Variants in ACSL6 observed in about 807,000 individuals in gnomAD.
ACSL6 encodes the protein acyl-CoA synthetase long chain family member 6, also known as long-chain-fatty-acid--CoA ligase 6.
Under a neutral mutation model 98.2 loss-of-function variants are expected in ACSL6, and 47 were observed. That is an observed-to-expected ratio of 0.48 (90% CI 0.38 to 0.61). The LOEUF is 0.61. ACSL6 is among the 20% of genes least tolerant of loss of function. The pLI is 0.00. For synonymous variants in ACSL6, 362 were observed against 336.9 expected (o/e 1.07, Z -0.82); for missense variants, 761 against 913.4 (o/e 0.83, Z 2.15).
Position 131,988,914 on chromosome 5 carries a change from C to T in ACSL6, c.553-10G>A. On this transcript the variant is annotated splice_polypyrimidine_tract_variant and intron_variant, in intron 5 of 20. Transcript: ENST00000651883. ...GCTCCACAATGATCCACTGTGGAGA[C>T]ACATGAGGCGGGGGTGGGGAAGAAG... is the stretch of plus-strand genomic sequence containing the variant. 6.2e-7 allele frequency: 1 copy of T among 1,601,384 alleles called. No individual in the cohort carries two copies.
Position 131,951,608 on chromosome 5 carries a change from C to T in ACSL6, c.*2626G>A, listed in dbSNP as rs145353013. The T allele has an allele frequency of 1.3e-4, 23 of 176,972 alleles. No individual in the cohort carries two copies. The East Asian group carries it at 2.2e-3, about 17-fold the overall frequency. 11.0% of individuals were successfully genotyped at this position (176,972 alleles called of 1,614,324 possible). A position where few individuals can be genotyped will look rare whatever the true frequency, so the allele number is the denominator to read the frequency against. On this transcript the variant is annotated 3_prime_UTR_variant, in exon 21 of 21. Transcript: ENST00000651883. ...TTTTTTTTTTTCTTTCTTTTTGAGA[C>T]GGAGTCTCGTTCTGTTGCCCAGGCT...
intron 2 of ACSL6, chr5:131,993,811 G>A (rs771950063): frequency 1.8e-6 from 1 of 568,238 alleles, no homozygotes. Flanking sequence ...GCAAGGCCCA[G>A]GTCAGGCTCT....
chr5:132,011,905 C>T (rs771034088), upstream of ACSL6: 2 of 1,556,122 alleles, frequency 1.3e-6, no homozygotes, highest in South Asian at 1.2e-5. The surrounding 1 kb of genome is among the most constrained non-coding windows in gnomAD (Gnocchi z 5.4). Context: ...CGCTCTCCAA[C>T]GTCAGTACCT....
intron 1 of ACSL6, among the ~76,000 whole-genome samples, chr5:131,998,144 A>G (rs547398316): frequency 2.6e-4 from 40 of 152,110 alleles, no homozygotes; most frequent in Non-Finnish European, 5.3e-4. Context: ...TCCATACCCC[A>G]AGAGACTCTC....
At chr5:132,007,610 A>G (rs1490789635) in intron 1 of ACSL6, among the ~76,000 whole-genome samples, 1 of 152,208 alleles carries the variant, frequency 6.6e-6, no homozygotes, top group Non-Finnish European at 1.5e-5. Flanking sequence ...GGAGAACACA[A>G]CACAGTGTTG....
Position 131,989,524 on chromosome 5 carries a change from G to T in ACSL6, c.451-16C>A. On this transcript the variant is annotated splice_polypyrimidine_tract_variant and intron_variant, in intron 4 of 20. Transcript: ENST00000651883. ...TGTCGGCCACCTGCACACAGATGTG[G>T]GGAAGTGATGGGAAAACAAGGACTC... The T allele has an allele frequency of 1.3e-6, 2 of 1,593,740 alleles. No homozygotes were observed. The highest frequency in any genetic ancestry group is 8.6e-7 in the Non-Finnish European group (1 of 1,164,222).
At chr5:131,963,527 GTA>G (rs1299379212) in intron 17 of ACSL6, among the ~76,000 whole-genome samples, 1 of 152,196 alleles carries the variant, frequency 6.6e-6, no homozygotes, top group African/African-American at 2.4e-5. Flanking sequence ...CTCAGAGGAT[GTA>G]ACATGCTCCT....
intron 1 of ACSL6, chr5:132,003,798 G>A (rs567070920): frequency 1.6e-4 from 24 of 152,366 alleles, no homozygotes; most frequent in African/African-American, 5.1e-4. Context: ...GGTGGCTGCT[G>A]AGGAAAGCAC....
At chr5:131,975,908 C>A (rs761298669) in intron 10 of ACSL6, 6 of 985,494 alleles carry the variant, frequency 6.1e-6, no homozygotes, top group Non-Finnish European at 7.2e-6. Context: ...CTGTCTCTCA[C>A]AGTTTTCTGC....
At chr5:131,958,956 G>A (rs141341975) in intron 20 of ACSL6, among the ~76,000 whole-genome samples, 24 of 151,918 alleles carry the variant, frequency 1.6e-4, no homozygotes, top group African/African-American at 5.1e-4. Flanking sequence ...TTGACAAAAG[G>A]GGATGTATAA....
Position 131,954,111 on chromosome 5 carries a change from A to G in ACSL6, c.*123T>C. The G allele has an allele frequency of 1.0e-6, 1 of 993,816 alleles. No individual in the cohort carries two copies. The highest frequency in any genetic ancestry group is 1.4e-6 in the Non-Finnish European group (1 of 731,854). The allele number at this position is 993,816 out of a possible 1,614,324, so 61.6% of individuals were successfully genotyped here. On this transcript the variant is annotated 3_prime_UTR_variant, in exon 21 of 21. Transcript: ENST00000651883. ...GTTAAAGACCTCTTGGGACAGGAAA[A>G]GGCTCAGTCATAAAATCAGATGCTT...
chr5:131,985,263 GA>G, intron 9 of ACSL6, 143 bp downstream of exon 9: 2 of 969,828 alleles, frequency 2.1e-6, no homozygotes, highest in Admixed American at 2.1e-5. Context: ...GGAGGTGCAG[GA>G]GGTCACCCAG....
intron 8 of ACSL6, 78 bp from the exon 9 acceptor site, chr5:131,985,536 C>G: frequency 1.4e-6 from 2 of 1,462,844 alleles, no homozygotes; most frequent in Non-Finnish European, 1.9e-6. Flanking sequence ...GGCTCCCCAA[C>G]CAGCCAGGCC....
Position 132,007,961 on chromosome 5 carries a change from T to C in ACSL6, c.49+3544A>G, listed in dbSNP as rs116777133. ...ATTCAGCCTTCTGAAGGTCAACCCA[T>C]GAATCCTTATAACCACAAGGGACAG... On this transcript the variant is annotated intron_variant, in intron 1 of 20. Coordinates refer to ENST00000651883, the MANE Select transcript of ACSL6 (RefSeq NM_001009185.3). 4.3e-3 allele frequency among the ~76,000 whole-genome samples: 662 copies of C among 152,314 alleles called. 9 individuals are homozygous for C. The highest frequency in any genetic ancestry group is 0.015 in the African/African-American group (629 of 41,554).
Position 132,011,602 on chromosome 5 carries a change from A to G in ACSL6, c.-49T>C. ...GCCCGGCCCGGCCTCCCCGACCCGC[A>G]GCCCCGCAGCCCCGCAGCCCAGCAG... On this transcript the variant is annotated 5_prime_UTR_variant, in exon 1 of 21. Transcript: ENST00000651883. The surrounding 1 kb of genome is among the most constrained non-coding windows in gnomAD (Gnocchi z 5.4). 1 of 1,386,414 alleles carries G rather than the reference A, an allele frequency of 7.2e-7. No individual in the cohort carries two copies. Among genetic ancestry groups the G allele is most frequent in the Non-Finnish European group, 9.3e-7 (1 of 1,071,958 alleles). The allele number at this position is 1,386,414 out of a possible 1,614,324, so 85.9% of individuals were successfully genotyped here. A position where few individuals can be genotyped will look rare whatever the true frequency, so the allele number is the denominator to read the frequency against.
intron 1 of ACSL6, among the ~76,000 whole-genome samples, chr5:131,996,573 C>T (rs897885772): frequency 6.6e-6 from 1 of 152,186 alleles, no homozygotes; most frequent in African/African-American, 2.4e-5. Context: ...GCTGTATACC[C>T]CAAAAGTTTT....
In ACSL6 at chr5:131,971,539, A is replaced by G; in HGVS notation, c.1434+11T>C. 6.3e-7 allele frequency: 1 copy of G among 1,593,170 alleles called. No homozygotes were observed. The highest frequency in any genetic ancestry group is 1.2e-5 in the South Asian group (1 of 86,748). ...CTGCTGTTTCCAAGGGAGGACACAC[A>G]ATGACAATACCTGGCACCCTAGAGC... On this transcript the variant is annotated intron_variant, in intron 14 of 20. Coordinates refer to ENST00000651883, the MANE Select transcript of ACSL6 (RefSeq NM_001009185.3).
At chr5:131,975,064 G>C (rs1561788228) in intron 10 of ACSL6, 94 bp from the exon 11 acceptor site, 1 of 1,495,524 alleles carries the variant, frequency 6.7e-7, no homozygotes, top group East Asian at 2.5e-5. Flanking sequence ...AATGGTCCTG[G>C]AGGGTAAACA....
chr5:132,010,737 C>A, intron 1 of ACSL6, among the ~76,000 whole-genome samples: 1 of 152,090 alleles, frequency 6.6e-6, no homozygotes, highest in South Asian at 2.1e-4. Context: ...TCTGGAGGAC[C>A]CCAGGCTCAG....
Sources: allele counts gnomAD v4.1 joint callset (sites outside exome capture counted in the v4.1 genomes callset), GRCh38; gene constraint gnomAD v4.1.1; non-coding constraint Gnocchi (gnomAD v3.1); transcripts MANE v1.5; gene names NCBI Gene and HGNC (gene_info 2026-07-23, HGNC 2026-07-21).